Variants in PSTPIP2 observed in about 807,000 individuals in gnomAD.
PSTPIP2 encodes the protein proline-serine-threonine phosphatase-interacting protein 2.
A neutral mutation model predicts 63.3 loss-of-function variants in PSTPIP2; 33 were observed. That is an observed-to-expected ratio of 0.52 (90% CI 0.40 to 0.70). The LOEUF is 0.70. Ranked by LOEUF, PSTPIP2 falls within the 30% of genes least tolerant of loss-of-function variation. PSTPIP2 has a pLI of 0.00. For synonymous variants in PSTPIP2, 125 were observed against 132.7 expected (o/e 0.94, Z 0.40); for missense variants, 312 against 400.7 (o/e 0.78, Z 1.89).
At chr18:46,016,075 G>T in intron 3 of PSTPIP2, 138 bp from the exon 4 acceptor site, 2 of 843,624 alleles carry the variant, frequency 2.4e-6, no homozygotes, top group Non-Finnish European at 3.8e-6. Flanking sequence ...GAGCTAGAGA[G>T]ACAGCAAAAG....
chr18:46,007,410 A>G (rs1436075551), intron 5 of PSTPIP2, among the ~76,000 whole-genome samples: 1 of 152,256 alleles, frequency 6.6e-6, no homozygotes, highest in Admixed American at 6.5e-5. Flanking sequence ...GACATAGAGA[A>G]TAGACAAGGT....
intron 8 of PSTPIP2, 133 bp from the exon 9 acceptor site, chr18:45,997,961 T>A: frequency 1.4e-6 from 1 of 726,602 alleles, no homozygotes; most frequent in Non-Finnish European, 2.4e-6. Flanking sequence ...CCCAGGACTC[T>A]GAGCACTGGG....
Position 46,040,017 on chromosome 18 carries a change from C to T in PSTPIP2, c.64G>A (p.Asp22Asn). Residue 22 changes from aspartate to asparagine, a missense_variant, in exon 2 of 15, where the codon GAC becomes AAC. Coordinates refer to ENST00000409746, the MANE Select transcript of PSTPIP2 (RefSeq NM_024430.4). ...SADILSTIGY[D>N]NIIQHLNNGR... ...TTGTTCAGATGTTGGATAATGTTGT[C>T]ATAGCCGATGGTGCTGAGGATGTCT... 6.2e-7 allele frequency: 1 copy of T among 1,612,498 alleles called. No individual in the cohort carries two copies. Among genetic ancestry groups the T allele is most frequent in the Non-Finnish European group, 8.5e-7 (1 of 1,179,142 alleles).
intron 1 of PSTPIP2, among the ~76,000 whole-genome samples, chr18:46,062,362 T>C (rs1322876767): frequency 6.6e-6 from 1 of 152,044 alleles, no homozygotes; most frequent in Non-Finnish European, 1.5e-5. Context: ...CCTGGTATGC[T>C]AGGCATGGTG....
intron 9 of PSTPIP2, 93 bp from the exon 10 acceptor site, chr18:45,993,796 G>T: frequency 9.5e-7 from 1 of 1,056,024 alleles, no homozygotes; most frequent in Non-Finnish European, 1.4e-6. Flanking sequence ...TCAACCTTCA[G>T]TTATCTGTAA....
At chr18:46,068,571 T>A (rs1381869311) in intron 1 of PSTPIP2, among the ~76,000 whole-genome samples, 1 of 151,806 alleles carries the variant, frequency 6.6e-6, no homozygotes, top group Non-Finnish European at 1.5e-5. Context: ...GTGCTGGGAT[T>A]ACAGGTGTGA....
intron 6 of PSTPIP2, among the ~76,000 whole-genome samples, chr18:46,000,600 T>C (rs2051653268): frequency 6.6e-6 from 1 of 152,194 alleles, no homozygotes; most frequent in African/African-American, 2.4e-5. Context: ...ACTCCTGACC[T>C]CAGGTGATCC....
At chr18:46,060,521 C>T (rs974261492) in intron 1 of PSTPIP2, among the ~76,000 whole-genome samples, 5 of 152,210 alleles carry the variant, frequency 3.3e-5, no homozygotes, top group African/African-American at 1.2e-4. Context: ...ACAAGTCACT[C>T]ATTTAGTCTG....
intron 2 of PSTPIP2, among the ~76,000 whole-genome samples, chr18:46,034,155 G>A (rs1178700806): frequency 2.0e-5 from 3 of 152,150 alleles, no homozygotes; most frequent in Admixed American, 1.3e-4. Context: ...ACCATGGGAC[G>A]TACAGGAGCT....
At chr18:45,989,123 C>T (rs1370743203) in intron 13 of PSTPIP2, among the ~76,000 whole-genome samples, 1 of 152,194 alleles carries the variant, frequency 6.6e-6, no homozygotes, top group African/African-American at 2.4e-5. Flanking sequence ...TCAGCCACTA[C>T]AGTTTTTTTT....
intron 1 of PSTPIP2, among the ~76,000 whole-genome samples, chr18:46,057,636 A>AT (rs1908811389): frequency 6.6e-6 from 1 of 151,984 alleles, no homozygotes; most frequent in African/African-American, 2.4e-5. Context: ...GCCCAAAACT[A>AT]TTTTTTCTTA....
At chr18:45,992,073 A>G (rs2051540733) in intron 11 of PSTPIP2, 33 bp downstream of exon 11, 1 of 1,597,756 alleles carries the variant, frequency 6.3e-7, no homozygotes, top group African/African-American at 1.3e-5. Flanking sequence ...AGAATTGTGT[A>G]AATAACACTC....
At chr18:46,027,297 AAAATAAATAAATAAATAAATAAAT>A (rs67989237) in intron 2 of PSTPIP2, among the ~76,000 whole-genome samples, 5 of 141,782 alleles carry the variant, frequency 3.5e-5, no homozygotes, top group East Asian at 2.0e-4. Flanking sequence ...CTCCATCTCA[AAAATAAATAAATAAATAAATAAAT>A]AAATAAATAA....
At chr18:46,013,077 A>AAT (rs1328576250) in intron 4 of PSTPIP2, among the ~76,000 whole-genome samples, 1 of 151,112 alleles carries the variant, frequency 6.6e-6, no homozygotes, top group African/African-American at 2.4e-5. Flanking sequence ...TTTTAAGATA[A>AAT]ATATATATAT....
intron 6 of PSTPIP2, among the ~76,000 whole-genome samples, chr18:45,999,882 A>G (rs1474184848): frequency 1.3e-5 from 2 of 152,240 alleles, no homozygotes; most frequent in Non-Finnish European, 2.9e-5. Context: ...TCACGCCTGT[A>G]ATCCCAACAC....
At chr18:45,985,780 A>T (rs1287009253) in intron 14 of PSTPIP2, among the ~76,000 whole-genome samples, 1 of 147,502 alleles carries the variant, frequency 6.8e-6, no homozygotes, top group Non-Finnish European at 1.5e-5. Context: ...TCTTGTTTAA[A>T]TTTTTTTTTT....
At chr18:46,064,620 G>A (rs952287400) in intron 1 of PSTPIP2, among the ~76,000 whole-genome samples, 2 of 151,826 alleles carry the variant, frequency 1.3e-5, no homozygotes, top group Admixed American at 6.6e-5. Context: ...GTTTCTTAAT[G>A]GAGTAGAGGC....
intron 1 of PSTPIP2, among the ~76,000 whole-genome samples, chr18:46,055,556 C>T (rs183240879): frequency 1.3e-5 from 2 of 152,246 alleles, no homozygotes; most frequent in Non-Finnish European, 2.9e-5. Flanking sequence ...TAGGCTCAAG[C>T]GAGCTGCCTG....
intron 5 of PSTPIP2, among the ~76,000 whole-genome samples, chr18:46,006,881 T>G (rs1485269711): frequency 6.6e-6 from 1 of 152,238 alleles, no homozygotes; most frequent in Non-Finnish European, 1.5e-5. Flanking sequence ...ATGTGAGTAC[T>G]ATCACTCCCA....
Sources: gnomAD v4.1 joint callset for allele counts (sites outside exome capture counted in the v4.1 genomes callset) on GRCh38, gnomAD v4.1.1 for gene constraint, MANE v1.5 for transcripts, NCBI Gene and HGNC (gene_info 2026-07-23, HGNC 2026-07-21) for gene names.